Variants in ZNF609 observed in about 807,000 individuals in gnomAD.
ZNF609 encodes zinc finger protein 609.
Under a neutral mutation model 109.5 loss-of-function variants are expected in ZNF609, and 11 were observed. The observed-to-expected ratio is 0.10, with a 90% CI of 0.06 to 0.17. The LOEUF (loss-of-function observed/expected upper bound fraction) is 0.17. ZNF609 is among the 10% of genes least tolerant of loss of function. The pLI, the probability that ZNF609 is intolerant of heterozygous loss-of-function variation, is 1.00. For synonymous variants in ZNF609, 646 were observed against 662.0 expected, an observed-to-expected ratio of 0.98 and a Z score of 0.37; for missense variants, 1,559 against 1,772.4, an observed-to-expected ratio of 0.88 and a Z score of 2.16.
chr15:64,629,095 T>C (rs554767737), intron 3 of ZNF609, among the ~76,000 whole-genome samples: 2 of 152,342 alleles, frequency 1.3e-5, no homozygotes, highest in Non-Finnish European at 2.9e-5. Flanking sequence ...TGGTCATAAA[T>C]CTCATTTCTC....
At chr15:64,568,321 G>A (rs553206338) in intron 2 of ZNF609, among the ~76,000 whole-genome samples, 82 of 152,142 alleles carry the variant, frequency 5.4e-4, no homozygotes, top group African/African-American at 1.7e-3. Flanking sequence ...CTACACCCCC[G>A]AAAACCTTAT....
chr15:64,473,806 G>C (rs1442374887), intron 1 of ZNF609, among the ~76,000 whole-genome samples: 3 of 151,916 alleles, frequency 2.0e-5, no homozygotes, highest in Admixed American at 2.0e-4. Flanking sequence ...GTCTCAGTCT[G>C]TCGCCCACAC....
At chr15:64,613,711 C>T (rs1472588023) in intron 2 of ZNF609, among the ~76,000 whole-genome samples, 2 of 151,930 alleles carry the variant, frequency 1.3e-5, no homozygotes, top group Non-Finnish European at 2.9e-5. Context: ...CCACCATGCC[C>T]GGCTAATTTT....
At chr15:64,553,890 G>A (rs1383753574) in intron 2 of ZNF609, among the ~76,000 whole-genome samples, 2 of 152,052 alleles carry the variant, frequency 1.3e-5, no homozygotes, top group Non-Finnish European at 2.9e-5. Context: ...GAGCCACCAC[G>A]CCTGGCCTAT....
intron 2 of ZNF609, among the ~76,000 whole-genome samples, chr15:64,514,854 C>G (rs1039800544): frequency 2.6e-5 from 4 of 151,508 alleles, no homozygotes; most frequent in Non-Finnish European, 4.4e-5. Flanking sequence ...TGAGGCTGGC[C>G]CCAAACTCCT....
intron 2 of ZNF609, among the ~76,000 whole-genome samples, chr15:64,577,811 A>G (rs1895025766): frequency 6.6e-6 from 1 of 151,346 alleles, no homozygotes; most frequent in African/African-American, 2.4e-5. Context: ...GTGAGCAGAG[A>G]TCGCACCACT....
intron 3 of ZNF609, among the ~76,000 whole-genome samples, chr15:64,625,619 G>A (rs1008803426): frequency 8.6e-5 from 13 of 151,986 alleles, no homozygotes; most frequent in Admixed American, 2.0e-4. Context: ...AGCCGGGTGC[G>A]GTGGCTCAAG....
intron 3 of ZNF609, among the ~76,000 whole-genome samples, chr15:64,657,037 T>A (rs570859118): frequency 6.6e-6 from 1 of 151,906 alleles, no homozygotes; most frequent in South Asian, 2.1e-4. Context: ...GGCAGACAGA[T>A]CACTTAAGGC....
At chr15:64,549,400 TCAA>T (rs1335201482) in intron 2 of ZNF609, among the ~76,000 whole-genome samples, 1 of 152,104 alleles carries the variant, frequency 6.6e-6, no homozygotes, top group Non-Finnish European at 1.5e-5. Flanking sequence ...TCACCATGTT[TCAA>T]CAGCTAGGCT....
intron 2 of ZNF609, among the ~76,000 whole-genome samples, chr15:64,556,327 C>T (rs1348100154): frequency 6.6e-6 from 1 of 151,986 alleles, no homozygotes; most frequent in Non-Finnish European, 1.5e-5. Flanking sequence ...AGACTGGAGC[C>T]TGGCAATGTT....
intron 1 of ZNF609, among the ~76,000 whole-genome samples, chr15:64,480,224 G>A (rs904203241): frequency 1.3e-5 from 2 of 149,670 alleles, no homozygotes; most frequent in African/African-American, 4.9e-5. Flanking sequence ...GGGCAACAGA[G>A]CAAGACTCCA....
chr15:64,542,346 T>C (rs1481835283), intron 2 of ZNF609, among the ~76,000 whole-genome samples: 1 of 152,138 alleles, frequency 6.6e-6, no homozygotes, highest in Non-Finnish European at 1.5e-5. Flanking sequence ...TTTCAAGTAG[T>C]TAATGTGAGG....
At chr15:64,651,984 TA>T (rs148477728) in intron 3 of ZNF609, among the ~76,000 whole-genome samples, 79 of 150,166 alleles carry the variant, frequency 5.3e-4, no homozygotes, top group African/African-American at 1.6e-3. Context: ...GTTCAGAAAT[TA>T]AAAAAAAAAA....
intron 3 of ZNF609, among the ~76,000 whole-genome samples, chr15:64,638,109 A>G (rs1322618472): frequency 6.7e-6 from 1 of 149,486 alleles, no homozygotes; most frequent in African/African-American, 2.4e-5. Flanking sequence ...TTGGAAGTCA[A>G]GATTCTTATT....
intron 3 of ZNF609, among the ~76,000 whole-genome samples, chr15:64,630,129 G>A (rs373940577): frequency 4.8e-5 from 6 of 124,942 alleles, no homozygotes; most frequent in Non-Finnish European, 7.9e-5. Flanking sequence ...ACAAAGTCTC[G>A]CTCTGTTGCC....
intron 2 of ZNF609, among the ~76,000 whole-genome samples, chr15:64,617,189 T>C (rs1344380318): frequency 6.6e-6 from 1 of 151,990 alleles, no homozygotes; most frequent in Admixed American, 6.6e-5. Context: ...ACAAAGTTTT[T>C]GTTTTTGTTT....
intron 2 of ZNF609, among the ~76,000 whole-genome samples, chr15:64,579,803 A>T (rs1006856686): frequency 1.3e-5 from 2 of 152,338 alleles, no homozygotes; most frequent in Non-Finnish European, 2.9e-5. Context: ...CCATCAACAC[A>T]TATTATAAAT....
chr15:64,473,949 A>T (rs1306972714), intron 1 of ZNF609, among the ~76,000 whole-genome samples: 1 of 150,366 alleles, frequency 6.7e-6, no homozygotes, highest in East Asian at 2.0e-4. Flanking sequence ...TAATTTTTGT[A>T]TTTTTAGTAG....
At chr15:64,641,025 ATCCTGTACTAG>A (rs1203992075) in intron 3 of ZNF609, among the ~76,000 whole-genome samples, 1 of 152,068 alleles carries the variant, frequency 6.6e-6, no homozygotes, top group Non-Finnish European at 1.5e-5. Flanking sequence ...GGCCTTCTCT[ATCCTGTACTAG>A]TCCTTTTCCT....
Sources: gnomAD v4.1 joint callset for allele counts (sites outside exome capture counted in the v4.1 genomes callset) on GRCh38, gnomAD v4.1.1 for gene constraint, MANE v1.5 for transcripts, NCBI Gene and HGNC (gene_info 2026-07-23, HGNC 2026-07-21) for gene names.